The following ZBTB8B variants were observed in gnomAD, a reference collection of about 807,000 sequenced individuals.
ZBTB8B encodes zinc finger and BTB domain-containing protein 8B.
In ZBTB8B, 17 loss-of-function variants were observed where a neutral mutation model predicts 30.3. The observed-to-expected ratio is 0.56, with a 90% confidence interval of 0.38 to 0.84. ZBTB8B has a LOEUF of 0.84. Ranked by LOEUF, ZBTB8B falls within the 40% of genes least tolerant of loss-of-function variation. The pLI is 0.00. For synonymous variants in ZBTB8B, 248 were observed against 255.6 expected (o/e 0.97, Z 0.28); for missense variants, 515 against 644.9 (o/e 0.80, Z 2.18).
rs888210482 is a variant in ZBTB8B at position 32,485,154 on chromosome 1, G to A, written c.1224G>A (p.Thr408=). ...GCAAGGGCTGCAGGAGAACATTCAC[G>A]AGTCACCTGTCCCAGGGGCTGCGGC... ...IICKGCRRTF[T]SHLSQGLRRF... is the part of the protein sequence containing the mutation. Residue 408 remains threonine, a synonymous_variant, in exon 4 of 4, where the codon ACG becomes ACA. Coordinates refer to ENST00000609129, the MANE Select transcript of ZBTB8B (RefSeq NM_001145720.2). The A allele has an allele frequency of 2.6e-6, 4 of 1,552,072 alleles. No homozygotes were observed. Among genetic ancestry groups the A allele is most frequent in the South Asian group, 2.4e-5 (2 of 84,048 alleles).
At chr1:32,485,015 C>A in intron 3 of ZBTB8B, 86 bp from the exon 4 acceptor site, 1 of 1,326,918 alleles carries the variant, frequency 7.5e-7, no homozygotes, top group Non-Finnish European at 1.0e-6. Context: ...TCGGGAGGAT[C>A]AGGCAGGGGC....
Position 32,470,713 on chromosome 1 carries a change from T to C in ZBTB8B, c.89T>C (p.Val30Ala). 6.4e-7 allele frequency: 1 copy of C among 1,551,752 alleles called. No homozygotes were observed. Among genetic ancestry groups the C allele is most frequent in the Non-Finnish European group, 8.7e-7 (1 of 1,147,014 alleles). ...TTTTTCTGTGACTGCAGCATCATTG[T>C]GGAAGGGCGGATCTTCAAGGCCCAC... The part of the protein sequence containing the change: ...RDFFCDCSII[V>A]EGRIFKAHRN... The change falls in exon 2 of 4, where the codon GTG becomes GCG. Residue 30 changes from valine to alanine, a missense_variant. Val to Ala is a moderately conservative substitution (Grantham distance 64, BLOSUM62 0). Coordinates refer to ENST00000609129, the MANE Select transcript of ZBTB8B (RefSeq NM_001145720.2).
rs757432694 is a variant in ZBTB8B at position 32,492,296 on chromosome 1, CTT to C, written c.*6900_*6901del. 884 of 122,948 alleles carry C rather than the reference CTT, an allele frequency of 7.2e-3. 7 individuals are homozygous for C. Among genetic ancestry groups the C allele is most frequent in the African/African-American group, 0.022 (687 of 31,314 alleles). The allele number at this position is 122,948 out of a possible 1,614,324, so 7.6% of individuals were successfully genotyped here. On this transcript the variant is annotated 3_prime_UTR_variant, in exon 4 of 4. Coordinates refer to ENST00000609129, the MANE Select transcript of ZBTB8B (RefSeq NM_001145720.2). ...AAACACAGGCTCTTGGTAACCGTGC[CTT>C]TTTTTTTTTTTTTTTTTTTTTAAAG...
At chr1:32,477,893 A>G (rs1285512557) in intron 2 of ZBTB8B, among the ~76,000 whole-genome samples, 2 of 151,650 alleles carry the variant, frequency 1.3e-5, no homozygotes, top group African/African-American at 2.4e-5. Flanking sequence ...CTCGGTCTCT[A>G]CTAAAAATAT....
intron 1 of ZBTB8B, among the ~76,000 whole-genome samples, chr1:32,468,781 A>C (rs1465386632): frequency 6.6e-6 from 1 of 152,008 alleles, no homozygotes; most frequent in East Asian, 1.9e-4. Flanking sequence ...GAATCGCTTG[A>C]ATATGGAAGG....
chr1:32,492,735 A>T lies in ZBTB8B; in HGVS notation c.*7317A>T, dbSNP rs1002324130. The T allele has an allele frequency of 1.4e-4, 21 of 152,190 alleles. No individual in the cohort carries two copies. Among genetic ancestry groups the T allele is most frequent in the Admixed American group, 1.4e-3 (21 of 15,272 alleles). 9.4% of individuals were successfully genotyped at this position (152,190 alleles called of 1,614,324 possible). A position where few individuals can be genotyped will look rare whatever the true frequency, so the allele number is the denominator to read the frequency against. On this transcript the variant is annotated 3_prime_UTR_variant, in exon 4 of 4. Transcript: ENST00000609129. ...TCAAACAATTATTTATGGAGTCTTTACTGTATGTCAAGCACGAAGGGTACT... is the reference window on the plus strand; with the variant it reads ...TCAAACAATTATTTATGGAGTCTTTTCTGTATGTCAAGCACGAAGGGTACT...
chr1:32,492,296 CTTT>C lies in ZBTB8B; in HGVS notation c.*6899_*6901del, dbSNP rs757432694. 3.5e-4 allele frequency: 43 copies of C among 122,980 alleles called. No homozygotes were observed. The highest frequency in any genetic ancestry group is 1.1e-3 in the East Asian group (5 of 4,416). 7.6% of individuals were successfully genotyped at this position (122,980 alleles called of 1,614,324 possible). On this transcript the variant is annotated 3_prime_UTR_variant, in exon 4 of 4. Transcript: ENST00000609129. ...AAACACAGGCTCTTGGTAACCGTGC[CTTT>C]TTTTTTTTTTTTTTTTTTTTAAAGA...
intron 1 of ZBTB8B, among the ~76,000 whole-genome samples, chr1:32,468,835 T>C: frequency 6.7e-6 from 1 of 148,558 alleles, no homozygotes; most frequent in Non-Finnish European, 1.5e-5. Context: ...CACTCCAGCC[T>C]GGGCGAGAGA....
In ZBTB8B at chr1:32,480,871, G is replaced by A. The variant is rs1214620664; in HGVS notation, c.992-20G>A. The A allele has an allele frequency of 6.5e-6, 10 of 1,548,188 alleles. No individual in the cohort carries two copies. The highest frequency in any genetic ancestry group is 7.9e-6 in the Non-Finnish European group (9 of 1,144,972). On this transcript the variant is annotated intron_variant, in intron 2 of 3. Transcript: ENST00000609129. Reference sequence around the variant, plus strand: ...GTCACTGCATACAGCACAGCTAAATGAAAGCATTTGGTTCCCCAGGTGATG... The same window carrying A: ...GTCACTGCATACAGCACAGCTAAATAAAAGCATTTGGTTCCCCAGGTGATG...
chr1:32,473,139 G>T (rs1236085671), intron 2 of ZBTB8B, among the ~76,000 whole-genome samples: 1 of 152,164 alleles, frequency 6.6e-6, no homozygotes, highest in Non-Finnish European at 1.5e-5. Flanking sequence ...ATGAAACGTG[G>T]CTTCCAAACC....
intron 2 of ZBTB8B, among the ~76,000 whole-genome samples, chr1:32,478,642 A>G (rs1643681470): frequency 1.3e-5 from 2 of 152,236 alleles, no homozygotes; most frequent in Non-Finnish European, 2.9e-5. Context: ...TTATCCTGGG[A>G]AACAGATATC....
chr1:32,481,541 C>A lies in ZBTB8B; in HGVS notation c.1170+472C>A, dbSNP rs558940753. 2.6e-3 allele frequency among the ~76,000 whole-genome samples: 391 copies of A among 152,316 alleles called. 2 individuals carry two copies. Among genetic ancestry groups the A allele is most frequent in the Non-Finnish European group, 4.2e-3 (288 of 68,018 alleles). ...AGCCCAAGGAGACCCTCCCCTCTAA[C>A]AAGCTGCCCCCTAGCATTGTCTCCA... On this transcript the variant is annotated intron_variant, in intron 3 of 3. Transcript: ENST00000609129.
In ZBTB8B at chr1:32,494,729, T is replaced by A. The variant is rs1643804095; in HGVS notation, c.*9311T>A. 1 of 152,184 alleles carries A rather than the reference T, an allele frequency of 6.6e-6. No individual in the cohort carries two copies. Among genetic ancestry groups the A allele is most frequent in the Non-Finnish European group, 1.5e-5 (1 of 68,042 alleles). 9.4% of individuals were successfully genotyped at this position (152,184 alleles called of 1,614,324 possible). A position where few individuals can be genotyped will look rare whatever the true frequency, so the allele number is the denominator to read the frequency against. On this transcript the variant is annotated 3_prime_UTR_variant, in exon 4 of 4. Coordinates refer to ENST00000609129, the MANE Select transcript of ZBTB8B (RefSeq NM_001145720.2). ...GATTGTAATGTATTCATTTTACTTATAAAAAATTTCAAAAGTAAAAATATA... is the reference window on the plus strand; with the variant it reads ...GATTGTAATGTATTCATTTTACTTAAAAAAAATTTCAAAAGTAAAAATATA...
rs555951637 is a variant in ZBTB8B, at chr1:32,475,510, C to T, written c.991+3895C>T. ...CTGAGGCAGGAGAATTGCTTGAACC[C>T]GGAAGGCGGAGGTTGCAGTGAGCCA... On this transcript the variant is annotated intron_variant, in intron 2 of 3. Coordinates refer to ENST00000609129, the MANE Select transcript of ZBTB8B (RefSeq NM_001145720.2). Among the ~76,000 whole-genome samples, 17 of 152,172 alleles carry T rather than the reference C, an allele frequency of 1.1e-4. No homozygotes were observed. In the East Asian group the frequency reaches 2.7e-3, roughly 24 times the overall value.
intron 2 of ZBTB8B, among the ~76,000 whole-genome samples, chr1:32,475,794 A>G (rs990041825): frequency 6.7e-6 from 1 of 150,298 alleles, no homozygotes; most frequent in African/African-American, 2.5e-5. Context: ...ATCATGGAAA[A>G]CCTTAAATGC....
At chr1:32,480,588 C>T (rs947435636) in intron 2 of ZBTB8B, among the ~76,000 whole-genome samples, 2 of 152,174 alleles carry the variant, frequency 1.3e-5, no homozygotes, top group Non-Finnish European at 2.9e-5. Flanking sequence ...ACATAAGGCA[C>T]GTGTGTTCTG....
At chr1:32,469,045 T>A (rs1643595674) in intron 1 of ZBTB8B, among the ~76,000 whole-genome samples, 1 of 151,718 alleles carries the variant, frequency 6.6e-6, no homozygotes, top group African/African-American at 2.4e-5. Flanking sequence ...AATTTTTTTT[T>A]AATTGGCCAG....
Position 32,494,370 on chromosome 1 carries a change from C to G in ZBTB8B, c.*8952C>G, listed in dbSNP as rs1643801770. ...GAAACCAGGTCCTGCCAGGCCAGTC[C>G]TGATAATAGACAGACATGTTTGGGC... On this transcript the variant is annotated 3_prime_UTR_variant, in exon 4 of 4. Coordinates refer to ENST00000609129, the MANE Select transcript of ZBTB8B (RefSeq NM_001145720.2). 6.6e-6 allele frequency: 1 copy of G among 152,032 alleles called. No individual in the cohort carries two copies. 9.4% of individuals were successfully genotyped at this position (152,032 alleles called of 1,614,324 possible).
At chr1:32,467,157 A>G (rs1310733510) in intron 1 of ZBTB8B, among the ~76,000 whole-genome samples, 1 of 152,202 alleles carries the variant, frequency 6.6e-6, no homozygotes, top group African/African-American at 2.4e-5. Flanking sequence ...CCCCGTCTCA[A>G]AAGAAAAGAA....
Sources: allele counts gnomAD v4.1 joint callset (sites outside exome capture counted in the v4.1 genomes callset), GRCh38; gene constraint gnomAD v4.1.1; transcripts MANE v1.5; gene names NCBI Gene and HGNC (gene_info 2026-07-23, HGNC 2026-07-21).